The following POF1B variants were observed in gnomAD, a reference collection of about 807,000 sequenced individuals.
The protein encoded by POF1B is POF1B actin binding protein.
POF1B carries 53 observed loss-of-function variants against 55.3 expected under a neutral mutation model. The observed-to-expected ratio is 0.96, with a 90% confidence interval of 0.77 to 1.20. The LOEUF is 1.20. Among genes scored for constraint, POF1B ranks in the 50% most tolerant of loss-of-function variants. The pLI, the probability that POF1B is intolerant of heterozygous loss-of-function variation, is 0.00. For synonymous variants in POF1B, 188 were observed against 148.3 expected, an observed-to-expected ratio of 1.27 and a Z score of -1.95; for missense variants, 478 against 420.5, an observed-to-expected ratio of 1.14 and a Z score of -1.20.
intron 3 of POF1B, among the ~76,000 whole-genome samples, chrX:85,361,563 G>C (rs1049548254): frequency 9.0e-6 from 1 of 111,075 alleles, no homozygotes; most frequent in African/African-American, 3.3e-5. Context: ...TGTTCCCTTG[G>C]TCTATGTGTC....
rs16980189 is a variant in POF1B, at chrX:85,277,990, T to G, written c.*1431A>C. 23,720 of 110,178 alleles carry G rather than the reference T, an allele frequency of 0.22. 2,443 individuals are homozygous for G. Among genetic ancestry groups the G allele is most frequent in the African/African-American group, 0.4 (12,151 of 30,222 alleles). The allele number at this position is 110,178 out of a possible 1,213,427, so 9.1% of individuals were successfully genotyped here. On this transcript the variant is annotated 3_prime_UTR_variant, in exon 17 of 17. Coordinates refer to ENST00000262753, the MANE Select transcript of POF1B (RefSeq NM_024921.4). The stretch of plus-strand genomic sequence containing the variant: ...ATGTAAGGACTGTATAGCTCATGAA[T>G]AATATTAACATTTTTCTATCACAAA...
At chrX:85,308,283 T>G (rs923483407) in intron 9 of POF1B, 67 bp from the exon 10 acceptor site, 25 of 682,485 alleles carry the variant, frequency 3.7e-5, no homozygotes, top group South Asian at 3.3e-4. Flanking sequence ...TAAGTGAAAG[T>G]TTTTTTTTTC....
intron 6 of POF1B, among the ~76,000 whole-genome samples, chrX:85,337,049 G>C (rs1480175087): frequency 8.9e-6 from 1 of 111,819 alleles, no homozygotes; most frequent in Non-Finnish European, 1.9e-5. Context: ...TTGTGGAAGA[G>C]ACTGTCCTTT....
At chrX:85,323,545 T>C (rs1377734259) in intron 7 of POF1B, among the ~76,000 whole-genome samples, 9 of 108,510 alleles carry the variant, frequency 8.3e-5, no homozygotes, top group Admixed American at 5.9e-4. Flanking sequence ...TGTATACATA[T>C]GTAACTAACC....
chrX:85,353,220 A>T (rs1472925327), intron 4 of POF1B, among the ~76,000 whole-genome samples: 1 of 111,109 alleles, frequency 9.0e-6, no homozygotes, highest in Non-Finnish European at 1.9e-5. Flanking sequence ...AAGTGAAGGA[A>T]ACAAGACAAT....
chrX:85,315,176 A>C (rs890268228), intron 8 of POF1B, among the ~76,000 whole-genome samples: 2 of 111,824 alleles, frequency 1.8e-5, no homozygotes, highest in African/African-American at 6.5e-5. Context: ...GCATTGAAAT[A>C]GGTTTTTCTC....
chrX:85,336,814 G>A (rs1193134858), intron 6 of POF1B, among the ~76,000 whole-genome samples: 1 of 111,163 alleles, frequency 9.0e-6, no homozygotes, highest in East Asian at 2.8e-4. Context: ...AATCCCATTT[G>A]TTCATTTTTG....
chrX:85,284,809 A>G (rs1354552049), intron 15 of POF1B, among the ~76,000 whole-genome samples: 1 of 112,143 alleles, frequency 8.9e-6, no homozygotes, highest in African/African-American at 3.2e-5. Context: ...GACAGATGGG[A>G]TCTAATTAAA....
chrX:85,280,589 A>G (rs1931874160), intron 16 of POF1B, among the ~76,000 whole-genome samples: 1 of 111,495 alleles, frequency 9.0e-6, no homozygotes, highest in Admixed American at 9.5e-5. Flanking sequence ...TCTTCATTTA[A>G]TAGCCATAGA....
rs181704129 is a variant in POF1B at position 85,342,791 on chromosome X, C to T, written c.723+3069G>A. On this transcript the variant is annotated intron_variant, in intron 6 of 16. Transcript: ENST00000262753. ...CGCATCACTCTTTAAAGATACTCTT[C>T]TACCCACATATCACTACAGGGGACA... Among the ~76,000 whole-genome samples the T allele has an allele frequency of 7.6e-3, 848 of 111,519 alleles. 7 individuals are homozygous for T. The highest frequency in any genetic ancestry group is 0.014 in the South Asian group (38 of 2,697).
intron 14 of POF1B, 81 bp from the exon 15 acceptor site, chrX:85,303,569 T>A (rs1932507426): frequency 1.5e-6 from 1 of 667,930 alleles, no homozygotes; most frequent in Admixed American, 3.2e-5. Context: ...TTTAGAAGGG[T>A]TACTAACAAT....
intron 6 of POF1B, among the ~76,000 whole-genome samples, chrX:85,336,829 G>A (rs910419536): frequency 5.4e-5 from 6 of 110,990 alleles, no homozygotes; most frequent in Admixed American, 9.6e-5. Flanking sequence ...TTTTTGCTTC[G>A]GTTGTTTGTG....
chrX:85,354,903 A>C (rs976315080), intron 4 of POF1B, among the ~76,000 whole-genome samples: 1 of 111,452 alleles, frequency 9.0e-6, no homozygotes, highest in Non-Finnish European at 1.9e-5. Flanking sequence ...TATAGATTCA[A>C]TGCCATCCCC....
In POF1B at chrX:85,278,011, A is replaced by G. The variant is rs183773653; in HGVS notation, c.*1410T>C. On this transcript the variant is annotated 3_prime_UTR_variant, in exon 17 of 17. Transcript: ENST00000262753. Reference sequence around the variant, plus strand: ...TGAATAATATTAACATTTTTCTATCACAAAATATTGATAAAATTGGAATTG... The same window carrying G: ...TGAATAATATTAACATTTTTCTATCGCAAAATATTGATAAAATTGGAATTG... The G allele has an allele frequency of 9.0e-5, 10 of 111,198 alleles. No individual in the cohort carries two copies. In the East Asian group the frequency reaches 1.4e-3, roughly 16 times the overall value. 9.2% of individuals were successfully genotyped at this position (111,198 alleles called of 1,213,427 possible). A position where few individuals can be genotyped will look rare whatever the true frequency, so the allele number is the denominator to read the frequency against.
chrX:85,362,125 A>G (rs1603076267), intron 3 of POF1B, among the ~76,000 whole-genome samples: 2 of 111,248 alleles, frequency 1.8e-5, no homozygotes, highest in South Asian at 7.6e-4. Context: ...GTTGTTGATC[A>G]GCTTAAGGTA....
intron 15 of POF1B, among the ~76,000 whole-genome samples, chrX:85,286,536 A>G (rs1214676026): frequency 9.0e-6 from 1 of 111,723 alleles, no homozygotes; most frequent in Admixed American, 9.6e-5. Context: ...CATGCTATTT[A>G]CAAAAACCAT....
chrX:85,297,200 A>T (rs1182698052), intron 15 of POF1B, among the ~76,000 whole-genome samples: 1 of 111,918 alleles, frequency 8.9e-6, no homozygotes, highest in Non-Finnish European at 1.9e-5. Flanking sequence ...TGCCATCCAG[A>T]TTCTGAACTT....
At chrX:85,335,049 A>G (rs745973962) in intron 6 of POF1B, among the ~76,000 whole-genome samples, 1 of 111,572 alleles carries the variant, frequency 9.0e-6, no homozygotes, top group South Asian at 3.7e-4. Context: ...ATGACAATCC[A>G]GTAGAACAGT....
rs1932526944 is a variant in POF1B, at chrX:85,304,409, T to C, written c.1500A>G (p.Gln500=). 3.3e-6 allele frequency: 4 copies of C among 1,195,167 alleles called. No individual in the cohort carries two copies. Among genetic ancestry groups the C allele is most frequent in the Non-Finnish European group, 4.5e-6 (4 of 884,965 alleles). The change falls in exon 14 of 17, where the codon CAA becomes CAG. Residue 500 remains glutamine, a synonymous_variant. Coordinates refer to ENST00000262753, the MANE Select transcript of POF1B (RefSeq NM_024921.4). ...SKREGSCSDF[Q]FKLHELTSLL... is the part of the protein sequence containing the mutation. The stretch of plus-strand genomic sequence containing the variant: ...AGCTTGTCAGTTCATGAAGCTTAAA[T>C]TGGAAGTCACTACAACTTCCTTCTC...
Sources: allele counts gnomAD v4.1 joint callset (sites outside exome capture counted in the v4.1 genomes callset), GRCh38; gene constraint gnomAD v4.1.1; transcripts MANE v1.5; gene names NCBI Gene and HGNC (gene_info 2026-07-23, HGNC 2026-07-21).